The following YJU2 variants were observed in gnomAD, a reference collection of about 807,000 sequenced individuals.
YJU2 encodes the protein splicing factor YJU2.
A neutral mutation model predicts 39.6 loss-of-function variants in YJU2; 28 were observed. The ratio of observed to expected loss-of-function variants is 0.71; its 90% confidence interval spans 0.52 to 0.97. The LOEUF is 0.97. YJU2 is among the 50% of genes least tolerant of loss of function. YJU2 has a pLI of 0.00. For missense variants in YJU2, 328 were observed against 430.4 expected, an observed-to-expected ratio of 0.76 and a Z score of 2.11; for synonymous variants, 184 against 182.4, an observed-to-expected ratio of 1.01 and a Z score of -0.07.
chr19:4,261,922 AC>A, intron 5 of YJU2, 71 bp from the exon 6 acceptor site: 4 of 1,540,356 alleles, frequency 2.6e-6, no homozygotes, highest in Non-Finnish European at 3.5e-6. Context: ...GCCCCTCGCC[AC>A]CCCAGCAGGT....
intron 2 of YJU2, among the ~76,000 whole-genome samples, chr19:4,250,752 G>A (rs1970969322): frequency 6.6e-6 from 1 of 152,092 alleles, no homozygotes; most frequent in African/African-American, 2.4e-5. Context: ...CACAAAGATT[G>A]CTTCTGGGAG....
chr19:4,259,694 C>G (rs972129691), intron 5 of YJU2, among the ~76,000 whole-genome samples: 1 of 152,072 alleles, frequency 6.6e-6, no homozygotes, highest in African/African-American at 2.4e-5. Flanking sequence ...ATGCCTTTGA[C>G]GCCGACCACC....
Position 4,247,086 on chromosome 19 carries a change from G to C in YJU2, c.-61G>C. On this transcript the variant is annotated 5_prime_UTR_variant, in exon 1 of 8. Coordinates refer to ENST00000262962, the MANE Select transcript of YJU2 (RefSeq NM_018074.6). ...CGGAAGTAAGGCTTCCGTCGGAAAA[G>C]CTCGATAATTACCCAGCCTAACCAT... 6.5e-7 allele frequency: 1 copy of C among 1,535,032 alleles called. No homozygotes were observed. Among genetic ancestry groups the C allele is most frequent in the South Asian group, 1.1e-5 (1 of 89,476 alleles).
At chr19:4,266,713 G>A (rs1971117975) in intron 6 of YJU2, among the ~76,000 whole-genome samples, 1 of 152,204 alleles carries the variant, frequency 6.6e-6, no homozygotes, top group African/African-American at 2.4e-5. Flanking sequence ...TAGATGCAGT[G>A]GCTCACGCCT....
At chr19:4,252,638 A>G (rs907298840) in intron 3 of YJU2, among the ~76,000 whole-genome samples, 3 of 151,934 alleles carry the variant, frequency 2.0e-5, no homozygotes, top group African/African-American at 7.2e-5. Flanking sequence ...TAATAATAAT[A>G]TTTTGGCTGG....
intron 4 of YJU2, among the ~76,000 whole-genome samples, chr19:4,256,182 AT>A (rs1464619144): frequency 0.024 from 2,355 of 97,260 alleles, 46 homozygotes; most frequent in African/African-American, 0.056. Context: ...AAAAAAAAAA[AT>A]ATATATATAT....
chr19:4,263,702 C>T (rs912613849), intron 6 of YJU2, among the ~76,000 whole-genome samples: 13 of 150,606 alleles, frequency 8.6e-5, no homozygotes, highest in Admixed American at 6.7e-5. Context: ...CCCAGTTACT[C>T]GGGAGGCTGA....
chr19:4,251,681 A>G (rs915004528), intron 3 of YJU2, among the ~76,000 whole-genome samples: 1 of 130,706 alleles, frequency 7.7e-6, no homozygotes, highest in Non-Finnish European at 1.6e-5. Flanking sequence ...CAAGACTCCA[A>G]CTAAAAAAAA....
At position 4,247,176 on chromosome 19, in the gene YJU2, T is replaced by C. The variant is rs1173764818; in HGVS notation, c.24+6T>C. Reference sequence around the variant, plus strand: ...CGGAGCGAAAAGTATTAAACGTAAGTGTTGGGCGACTGGGGCTTTTCAATC... The same window carrying C: ...CGGAGCGAAAAGTATTAAACGTAAGCGTTGGGCGACTGGGGCTTTTCAATC... On this transcript the variant is annotated splice_donor_region_variant and intron_variant, in intron 1 of 7. Coordinates refer to ENST00000262962, the MANE Select transcript of YJU2 (RefSeq NM_018074.6). 3.1e-6 allele frequency: 5 copies of C among 1,613,460 alleles called. No individual in the cohort carries two copies. In the African/African-American group the frequency reaches 5.3e-5, roughly 17 times the overall value.
At chr19:4,260,146 C>T (rs571722068) in intron 5 of YJU2, among the ~76,000 whole-genome samples, 73 of 152,302 alleles carry the variant, frequency 4.8e-4, no homozygotes, top group African/African-American at 1.4e-3. Context: ...TAGAAGGGGC[C>T]GGGCGCAGGG....
intron 1 of YJU2, 170 bp downstream of exon 1, chr19:4,247,340 G>T: frequency 1.7e-6 from 1 of 579,866 alleles, no homozygotes; most frequent in Non-Finnish European, 3.0e-6. Context: ...GCCTTCCGTC[G>T]GGGGGGTGGG....
intron 5 of YJU2, among the ~76,000 whole-genome samples, chr19:4,260,114 C>T (rs1300545542): frequency 2.0e-5 from 3 of 151,992 alleles, no homozygotes; most frequent in African/African-American, 4.8e-5. Flanking sequence ...TCGGTGGACA[C>T]GGAAAAGTTA....
At chr19:4,256,986 C>T (rs895625712) in intron 4 of YJU2, among the ~76,000 whole-genome samples, 2 of 152,156 alleles carry the variant, frequency 1.3e-5, no homozygotes, top group Non-Finnish European at 2.9e-5. Context: ...GTCACCTCCA[C>T]CCCTTAAATG....
chr19:4,248,493 G>A (rs1279567327), intron 1 of YJU2, among the ~76,000 whole-genome samples: 1 of 152,174 alleles, frequency 6.6e-6, no homozygotes, highest in Non-Finnish European at 1.5e-5. Context: ...TGTAGGAAAC[G>A]GATGTAGTAT....
At chr19:4,248,575 C>T (rs542029757) in intron 1 of YJU2, among the ~76,000 whole-genome samples, 1 of 152,176 alleles carries the variant, frequency 6.6e-6, no homozygotes, top group African/African-American at 2.4e-5. Flanking sequence ...TGGGACTCCT[C>T]GGGGAACTCG....
chr19:4,255,648 A>C (rs1971013435), intron 4 of YJU2, among the ~76,000 whole-genome samples: 1 of 151,032 alleles, frequency 6.6e-6, no homozygotes, highest in South Asian at 2.1e-4. Flanking sequence ...GAATTGCTTG[A>C]ACTCAGGAGG....
At chr19:4,259,055 C>T (rs1971048218) in intron 5 of YJU2, among the ~76,000 whole-genome samples, 1 of 148,716 alleles carries the variant, frequency 6.7e-6, no homozygotes, top group Admixed American at 6.7e-5. Flanking sequence ...CTCAGGCCTC[C>T]TGGGTGAACA....
Position 4,249,018 on chromosome 19 carries a change from G to A in YJU2, c.25-210G>A, listed in dbSNP as rs561965991. The stretch of plus-strand genomic sequence containing the variant: ...ACTGGTATTTAGGAGAATTAAATGC[G>A]TCCTGTATAACTCCACTAGGAGAGA... On this transcript the variant is annotated intron_variant, in intron 1 of 7. Transcript: ENST00000262962. 3.9e-5 allele frequency among the ~76,000 whole-genome samples: 6 copies of A among 152,230 alleles called. No individual in the cohort carries two copies. In the South Asian group the frequency reaches 8.3e-4, roughly 21 times the overall value.
rs1355098984 is a variant in YJU2, at chr19:4,267,758, G to T, written c.843G>T (p.Gln281His). 6.2e-7 allele frequency: 1 copy of T among 1,612,280 alleles called. No individual in the cohort carries two copies. Among genetic ancestry groups the T allele is most frequent in the Admixed American group, 1.7e-5 (1 of 59,892 alleles). ...ADPDCSNGQP[Q>H]AAPTPGAPQN... ...CGGACTGCAGCAACGGGCAGCCTCAGGCGGCCCCCACCCCAGGTAAGGTCA... is the reference window on the plus strand; with the variant it reads ...CGGACTGCAGCAACGGGCAGCCTCATGCGGCCCCCACCCCAGGTAAGGTCA... The change falls in exon 7 of 8, where the codon CAG becomes CAT. Residue 281 changes from glutamine (Q) to histidine (H), a missense_variant. Coordinates refer to ENST00000262962, the MANE Select transcript of YJU2 (RefSeq NM_018074.6).
Sources: allele counts gnomAD v4.1 joint callset (sites outside exome capture counted in the v4.1 genomes callset), GRCh38; gene constraint gnomAD v4.1.1; transcripts MANE v1.5; gene names NCBI Gene and HGNC (gene_info 2026-07-23, HGNC 2026-07-21).